PPM1H: variants seen among roughly 807,000 people sequenced by gnomAD.
The protein encoded by PPM1H is protein phosphatase, Mg2+/Mn2+ dependent 1H.
In PPM1H, 27 loss-of-function variants were observed where a neutral mutation model predicts 54.9. The ratio of observed to expected loss-of-function variants is 0.49; its 90% CI spans 0.36 to 0.68. PPM1H has a LOEUF of 0.68. Among genes scored for constraint, PPM1H ranks in the 30% least tolerant of loss-of-function variants. PPM1H has a pLI of 0.00. For synonymous variants in PPM1H, 305 were observed against 270.8 expected, an observed-to-expected ratio of 1.13 and a Z score of -1.24; for missense variants, 596 against 667.8, an observed-to-expected ratio of 0.89 and a Z score of 1.19.
chr12:62,854,754 T>C (rs367740359), intron 1 of PPM1H, among the ~76,000 whole-genome samples: 10 of 152,252 alleles, frequency 6.6e-5, no homozygotes, highest in African/African-American at 2.2e-4. Context: ...TTAAATCATT[T>C]TGTAGCCATC....
chr12:62,795,271 G>A (rs1293498363), intron 3 of PPM1H, among the ~76,000 whole-genome samples: 4 of 152,028 alleles, frequency 2.6e-5, no homozygotes, highest in Admixed American at 2.0e-4. Context: ...CCAGAAATAG[G>A]TACTATTTAT....
At chr12:62,884,416 A>G (rs1695010) in intron 1 of PPM1H, among the ~76,000 whole-genome samples, 5,743 of 149,384 alleles carry the variant, frequency 0.038, 311 homozygotes, top group African/African-American at 0.12. Flanking sequence ...TAGGAGAATC[A>G]CTTGAACCCC....
intron 8 of PPM1H, among the ~76,000 whole-genome samples, chr12:62,673,713 C>CTTTTTTTTTTTTTTTTTT (rs1192243731): frequency 2.1e-5 from 1 of 47,570 alleles, no homozygotes; most frequent in Non-Finnish European, 4.5e-5. Context: ...AGAAGAGCCA[C>CTTTTTTTTTTTTTTTTTT]TCTTTTTTTT....
At chr12:62,759,622 C>T (rs1168933307) in intron 4 of PPM1H, among the ~76,000 whole-genome samples, 1 of 152,240 alleles carries the variant, frequency 6.6e-6, no homozygotes, top group Non-Finnish European at 1.5e-5. Context: ...TGTCTGACCA[C>T]TCGGGGATGC....
At chr12:62,705,611 G>C (rs2076168754) in intron 6 of PPM1H, among the ~76,000 whole-genome samples, 1 of 152,180 alleles carries the variant, frequency 6.6e-6, no homozygotes, top group South Asian at 2.1e-4. Flanking sequence ...GGAAATTCCA[G>C]ATTTGGAAAT....
chr12:62,869,161 C>T (rs916200432), intron 1 of PPM1H, among the ~76,000 whole-genome samples: 30 of 152,176 alleles, frequency 2.0e-4, no homozygotes, highest in African/African-American at 7.2e-4. Flanking sequence ...TATAAAGGTA[C>T]ATTGCAATGA....
At chr12:62,798,491 T>G (rs1167104866) in intron 3 of PPM1H, among the ~76,000 whole-genome samples, 1 of 152,194 alleles carries the variant, frequency 6.6e-6, no homozygotes, top group East Asian at 1.9e-4. Flanking sequence ...GTTTTTATTT[T>G]CCTTTCACAG....
chr12:62,778,053 A>C (rs2076621433), intron 4 of PPM1H, among the ~76,000 whole-genome samples: 1 of 152,188 alleles, frequency 6.6e-6, no homozygotes, highest in South Asian at 2.1e-4. Flanking sequence ...ACTATGTTTG[A>C]CAGCTAAAGC....
intron 1 of PPM1H, among the ~76,000 whole-genome samples, chr12:62,915,770 A>G (rs1286240776): frequency 2.0e-5 from 3 of 152,204 alleles, no homozygotes; most frequent in Non-Finnish European, 4.4e-5. Context: ...CTCTTTCTGT[A>G]AGAAGGAAGA....
chr12:62,729,386 T>G (rs1219045301), intron 5 of PPM1H, among the ~76,000 whole-genome samples: 2 of 151,960 alleles, frequency 1.3e-5, no homozygotes, highest in Admixed American at 1.3e-4. Flanking sequence ...GAGGCAGGAG[T>G]GCAGACATTG....
At chr12:62,897,740 C>T (rs1871040513) in intron 1 of PPM1H, among the ~76,000 whole-genome samples, 1 of 151,988 alleles carries the variant, frequency 6.6e-6, no homozygotes, top group Non-Finnish European at 1.5e-5. Context: ...CAGAAGATCT[C>T]TTTCAAGACT....
chr12:62,651,527 G>C (rs2075816498), intron 9 of PPM1H, among the ~76,000 whole-genome samples: 1 of 152,140 alleles, frequency 6.6e-6, no homozygotes, highest in South Asian at 2.1e-4. Context: ...GCAAGGATTA[G>C]GTCACCTAGA....
intron 1 of PPM1H, among the ~76,000 whole-genome samples, chr12:62,874,181 A>T (rs185675935): frequency 1.7e-3 from 263 of 152,344 alleles, no homozygotes; most frequent in African/African-American, 6.1e-3. Context: ...ACATTCTTAA[A>T]AGTGCATTTC....
intron 6 of PPM1H, among the ~76,000 whole-genome samples, chr12:62,715,185 G>A (rs776492417): frequency 3.9e-5 from 6 of 152,248 alleles, no homozygotes; most frequent in African/African-American, 1.4e-4. Context: ...TGCGGGTCGG[G>A]ATACACTGCT....
chr12:62,838,338 T>TGTG (rs375217752), intron 1 of PPM1H, among the ~76,000 whole-genome samples: 7,100 of 93,074 alleles, frequency 0.076, 318 homozygotes, highest in Middle Eastern at 0.17. Context: ...TGTGTGTGTG[T>TGTG]GGGGGGGGGG....
At chr12:62,743,128 A>G (rs916923896) in intron 4 of PPM1H, among the ~76,000 whole-genome samples, 1 of 152,148 alleles carries the variant, frequency 6.6e-6, no homozygotes, top group Admixed American at 6.5e-5. Context: ...AGGGGGATGG[A>G]TCACTTGAGA....
intron 8 of PPM1H, among the ~76,000 whole-genome samples, chr12:62,671,740 C>A (rs372574380): frequency 6.6e-6 from 1 of 152,172 alleles, no homozygotes. Flanking sequence ...ACCTCCCCAA[C>A]CTTCTTTTGG....
intron 1 of PPM1H, among the ~76,000 whole-genome samples, chr12:62,884,676 T>C (rs1177999202): frequency 1.3e-5 from 2 of 152,172 alleles, no homozygotes; most frequent in Admixed American, 6.6e-5. Context: ...CTTTAGTTAA[T>C]AGTAGTTATA....
intron 4 of PPM1H, among the ~76,000 whole-genome samples, chr12:62,747,498 A>G (rs1374230491): frequency 6.6e-6 from 1 of 152,174 alleles, no homozygotes; most frequent in African/African-American, 2.4e-5. Context: ...TAAGCCTCCG[A>G]AAGTGTTGGG....
Sources: allele counts gnomAD v4.1 joint callset (sites outside exome capture counted in the v4.1 genomes callset), GRCh38; gene constraint gnomAD v4.1.1; transcripts MANE v1.5; gene names NCBI Gene and HGNC (gene_info 2026-07-23, HGNC 2026-07-21).